The following ARID1B variants were observed in gnomAD, a reference collection of about 807,000 sequenced individuals.
ARID1B encodes AT-rich interactive domain-containing protein 1B.
Under a neutral mutation model 212.3 loss-of-function variants are expected in ARID1B, and 30 were observed. The observed-to-expected ratio is 0.14, with a 90% CI of 0.11 to 0.19. The LOEUF is 0.19. Among genes scored for constraint, ARID1B ranks in the 10% least tolerant of loss-of-function variants. The pLI is 1.00. For synonymous variants in ARID1B, 1,402 were observed against 1,301.7 expected (o/e 1.08, Z -1.66); for missense variants, 2,891 against 3,204.0 (o/e 0.90, Z 2.36).
At chr6:156,867,202 G>A (rs1785764285) in intron 2 of ARID1B, among the ~76,000 whole-genome samples, 1 of 152,194 alleles carries the variant, frequency 6.6e-6, no homozygotes, top group Non-Finnish European at 1.5e-5. Flanking sequence ...ATTGCTGGAT[G>A]TTAAAATCAA....
Position 157,201,390 on chromosome 6 carries a change from C to A in ARID1B, c.5165C>A (p.Pro1722Gln), listed in dbSNP as rs770072973. 5 of 1,599,788 alleles carry A rather than the reference C, an allele frequency of 3.1e-6. No homozygotes were observed. The South Asian group carries it at 4.5e-5, about 14-fold the overall frequency. ...TSQVTGPPPQ[P>Q]PPIRREITFP... is the part of the protein sequence containing the mutation. ...CAGGTCACCGGGCCACCACCCCAAC[C>A]ACCCCCAATCAGAAGGGAGATCACC... The change falls in exon 18 of 20, where the codon CCA becomes CAA. Residue 1722 changes from proline (P) to glutamine (Q), a missense_variant. Physicochemically the swap from Pro to Gln is moderately conservative, Grantham distance 76. Around this residue, in one of 7 missense-constraint regions of ARID1B, gnomAD observed 666 missense variants for 873.5 expected, o/e 0.76. Transcript: ENST00000636930. The surrounding 1 kb of genome is among the most constrained non-coding windows in gnomAD (Gnocchi z 5.2).
At chr6:156,929,615 TAAC>T (rs1452038274) in intron 3 of ARID1B, among the ~76,000 whole-genome samples, 8 of 152,218 alleles carry the variant, frequency 5.3e-5, no homozygotes, top group African/African-American at 1.7e-4. Flanking sequence ...TGCAAGATAA[TAAC>T]AATGTGGCCA....
intron 1 of ARID1B, among the ~76,000 whole-genome samples, chr6:156,794,394 C>T (rs375150107): frequency 3.2e-4 from 48 of 151,892 alleles, no homozygotes; most frequent in African/African-American, 1.1e-3. Context: ...GGACCACAGG[C>T]GCATGCTACA....
At chr6:156,999,304 A>T (rs184171657) in intron 4 of ARID1B, among the ~76,000 whole-genome samples, 2 of 152,376 alleles carry the variant, frequency 1.3e-5, no homozygotes, top group African/African-American at 4.8e-5. Context: ...CCAACTGTGC[A>T]TACAAGTTAT....
rs2114971420 is a variant in ARID1B, at chr6:156,778,340, C to T, written c.660C>T (p.Asn220=). 2.6e-6 allele frequency: 4 copies of T among 1,542,686 alleles called. No individual in the cohort carries two copies. Among genetic ancestry groups the T allele is most frequent in the Non-Finnish European group, 2.6e-6 (3 of 1,146,206 alleles). Residue 220 remains asparagine, a synonymous_variant, in exon 1 of 20, where the codon AAC becomes AAT. Transcript: ENST00000636930. ...AACAGCAACATCCCATTTCCAACAA[C>T]AACAGCTTGGGCGGCGCGGGCGGCG... The part of the protein sequence containing the change: ...QQQQQHPISN[N]NSLGGAGGGA...
intron 4 of ARID1B, among the ~76,000 whole-genome samples, chr6:156,973,206 T>A (rs1025150933): frequency 2.0e-5 from 3 of 152,236 alleles, no homozygotes; most frequent in Admixed American, 6.5e-5. Flanking sequence ...TTTAACAAAT[T>A]TTAGAAATCT....
chr6:156,875,612 C>T (rs1218766511), intron 2 of ARID1B, among the ~76,000 whole-genome samples: 2 of 152,194 alleles, frequency 1.3e-5, no homozygotes, highest in African/African-American at 4.8e-5. Context: ...CTTCTCCTCA[C>T]AAAATAAAGA....
At chr6:157,039,698 T>TTCCTTCC (rs1781668879) in intron 4 of ARID1B, among the ~76,000 whole-genome samples, 18 of 88,234 alleles carry the variant, frequency 2.0e-4, no homozygotes, top group Non-Finnish European at 3.4e-4. Flanking sequence ...TCCTTCCTTC[T>TTCCTTCC]TTCTTTCCTT....
chr6:157,076,566 T>TTTTTTTTTTTG (rs1196198512), intron 4 of ARID1B, among the ~76,000 whole-genome samples: 1 of 151,444 alleles, frequency 6.6e-6, no homozygotes, highest in African/African-American at 2.4e-5. Context: ...GTGTTATTTT[T>TTTTTTTTTTTG]AGAGATTCTG....
chr6:157,082,540 T>G (rs1562602205), intron 4 of ARID1B, among the ~76,000 whole-genome samples: 2 of 152,154 alleles, frequency 1.3e-5, no homozygotes, highest in African/African-American at 2.4e-5. Context: ...TTACTTAATT[T>G]TATTTTGGAT....
intron 3 of ARID1B, among the ~76,000 whole-genome samples, chr6:156,930,258 G>C (rs548115478): frequency 6.6e-6 from 1 of 152,252 alleles, no homozygotes; most frequent in African/African-American, 2.4e-5. Context: ...CTGTTCTCGT[G>C]ATAGTGAGTG....
At position 156,842,506 on chromosome 6, in the gene ARID1B, A is replaced by G. The variant is rs115430007; in HGVS notation, c.1986+13085A>G. Among the ~76,000 whole-genome samples the G allele has an allele frequency of 4.2e-3, 641 of 152,320 alleles. 6 individuals carry two copies. The highest frequency in any genetic ancestry group is 0.014 in the African/African-American group (600 of 41,572). On this transcript the variant is annotated intron_variant, in intron 2 of 19. Transcript: ENST00000636930. ...TGCATCACATTTTGTTTATCCATTC[A>G]TCCATTGATAGACATTTGGGTTGTT...
intron 5 of ARID1B, among the ~76,000 whole-genome samples, chr6:157,087,422 C>T (rs762888019): frequency 1.3e-5 from 2 of 152,202 alleles, no homozygotes; most frequent in Non-Finnish European, 2.9e-5. Context: ...TTCTAAGCCT[C>T]TCTGTGCCTC....
intron 1 of ARID1B, 162 bp downstream of exon 1, chr6:156,779,633 C>T (rs1779059657): frequency 6.5e-6 from 4 of 618,060 alleles, no homozygotes; most frequent in Non-Finnish European, 8.5e-6. Context: ...CCGCCGCGGT[C>T]GGGGCGCCCC....
At chr6:157,053,942 A>G (rs1341314539) in intron 4 of ARID1B, among the ~76,000 whole-genome samples, 2 of 151,072 alleles carry the variant, frequency 1.3e-5, no homozygotes, top group African/African-American at 4.9e-5. Flanking sequence ...TAAAAACATT[A>G]GGCCGGGCAC....
At chr6:156,796,417 T>TC (rs1177034829) in intron 1 of ARID1B, among the ~76,000 whole-genome samples, 2 of 151,860 alleles carry the variant, frequency 1.3e-5, no homozygotes, top group African/African-American at 4.8e-5. Context: ...TTTTTTTTTT[T>TC]TAAACTTATG....
chr6:157,169,028 C>G (rs1369253393), intron 9 of ARID1B: 1 of 152,202 alleles, frequency 6.6e-6, no homozygotes, highest in Non-Finnish European at 1.5e-5. Flanking sequence ...TCTGCTGTTA[C>G]TGCGTTCTGA....
chr6:157,179,902 A>G (rs565016424), intron 11 of ARID1B, among the ~76,000 whole-genome samples: 1 of 150,252 alleles, frequency 6.7e-6, no homozygotes, highest in East Asian at 1.9e-4. Flanking sequence ...GTTTAAAATT[A>G]TGTTAAGCTA....
At chr6:156,942,454 C>G (rs375655485) in intron 4 of ARID1B, 1 of 152,158 alleles carries the variant, frequency 6.6e-6, no homozygotes, top group Non-Finnish European at 1.5e-5. Context: ...ACAGAGGCAG[C>G]GTGGACCCCA....
Sources: gnomAD v4.1 joint callset for allele counts (sites outside exome capture counted in the v4.1 genomes callset) on GRCh38, gnomAD v4.1.1 for gene constraint, gnomAD v4.1.1 regional missense constraint, Gnocchi (gnomAD v3.1) non-coding constraint, MANE v1.5 for transcripts, NCBI Gene and HGNC (gene_info 2026-07-23, HGNC 2026-07-21) for gene names.